Variants in INPP4B observed in about 807,000 individuals in gnomAD.
INPP4B encodes the protein inositol polyphosphate-4-phosphatase type II B.
In INPP4B, 55 loss-of-function variants were observed where a neutral mutation model predicts 122.5. The ratio of observed to expected loss-of-function variants is 0.45; its 90% CI spans 0.36 to 0.56. INPP4B has a LOEUF of 0.56. Ranked by LOEUF, INPP4B falls within the 20% of genes least tolerant of loss-of-function variation. The pLI is 0.00. For missense variants in INPP4B, 1,000 were observed against 1,097.7 expected, an observed-to-expected ratio of 0.91 and a Z score of 1.26; for synonymous variants, 403 against 388.7, an observed-to-expected ratio of 1.04 and a Z score of -0.43.
intron 17 of INPP4B, among the ~76,000 whole-genome samples, chr4:142,154,036 T>C (rs551949155): frequency 6.6e-6 from 1 of 152,112 alleles, no homozygotes; most frequent in Non-Finnish European, 1.5e-5. Flanking sequence ...ATGTTTCCCA[T>C]CCATCAAGAA....
intron 12 of INPP4B, among the ~76,000 whole-genome samples, chr4:142,235,948 T>C: frequency 6.6e-6 from 1 of 152,232 alleles, no homozygotes; most frequent in East Asian, 1.9e-4. Context: ...TTTGGAATTA[T>C]AGAATAAATT....
intron 2 of INPP4B, among the ~76,000 whole-genome samples, chr4:142,503,841 T>C (rs896256619): frequency 7.9e-5 from 12 of 152,106 alleles, no homozygotes; most frequent in African/African-American, 2.7e-4. Context: ...TCTTGCTATA[T>C]AAGATCAGTA....
At chr4:142,546,696 T>C (rs1829684542) in intron 2 of INPP4B, among the ~76,000 whole-genome samples, 2 of 152,182 alleles carry the variant, frequency 1.3e-5, no homozygotes, top group Admixed American at 6.6e-5. Flanking sequence ...ACCAAAGCAA[T>C]ATTTCAAAGT....
intron 3 of INPP4B, among the ~76,000 whole-genome samples, chr4:142,433,530 A>G (rs1809785372): frequency 6.6e-6 from 1 of 152,216 alleles, no homozygotes; most frequent in Admixed American, 6.5e-5. Context: ...GACCACTACA[A>G]TAACAGATAT....
At chr4:142,581,409 T>C (rs902623206) in intron 2 of INPP4B, among the ~76,000 whole-genome samples, 1 of 151,908 alleles carries the variant, frequency 6.6e-6, no homozygotes, top group African/African-American at 2.4e-5. Flanking sequence ...GGTTATTGAT[T>C]GATATACTAG....
intron 1 of INPP4B, among the ~76,000 whole-genome samples, chr4:142,842,145 G>C (rs895215161): frequency 6.6e-6 from 1 of 151,688 alleles, no homozygotes; most frequent in African/African-American, 2.4e-5. Flanking sequence ...CCTTTAATCA[G>C]TTTAAACAAA....
chr4:142,659,390 A>G (rs537865135), intron 2 of INPP4B, among the ~76,000 whole-genome samples: 7 of 152,008 alleles, frequency 4.6e-5, no homozygotes, highest in South Asian at 2.1e-4. Context: ...TGGGCGACAG[A>G]GTGAGACTCT....
At chr4:142,085,904 T>C (rs1375836292) in intron 24 of INPP4B, among the ~76,000 whole-genome samples, 4 of 152,142 alleles carry the variant, frequency 2.6e-5, no homozygotes, top group Non-Finnish European at 5.9e-5. Flanking sequence ...GGAGAACACA[T>C]CCAAGGTTGG....
In INPP4B at chr4:142,623,759, C is replaced by T. The variant is rs1467203768; in HGVS notation, c.-191+102080G>A. ...ACAGTCCCCAGAGTGTGATGTTCCC[C>T]TTCCTGTGTCCATGTGTTCTCATTG... On this transcript the variant is annotated intron_variant, in intron 2 of 25. Coordinates refer to ENST00000262992, the MANE Select transcript of INPP4B (RefSeq NM_001101669.3). Among the ~76,000 whole-genome samples the T allele has an allele frequency of 2.0e-5, 3 of 150,384 alleles. No individual in the cohort carries two copies. The Admixed American group carries it at 2.0e-4, about 10-fold the overall frequency.
At chr4:142,766,375 G>GT (rs1396828407) in intron 1 of INPP4B, among the ~76,000 whole-genome samples, 2 of 151,374 alleles carry the variant, frequency 1.3e-5, no homozygotes, top group African/African-American at 4.8e-5. Flanking sequence ...AGCATAAGGT[G>GT]TTTTTTTGTT....
intron 25 of INPP4B, among the ~76,000 whole-genome samples, chr4:142,042,569 T>C (rs976464917): frequency 7.7e-6 from 1 of 129,874 alleles, no homozygotes; most frequent in Non-Finnish European, 1.8e-5. Context: ...TATTTATTTA[T>C]TTATTTATTT....
chr4:142,274,836 G>A lies in INPP4B; in HGVS notation c.504-4062C>T, dbSNP rs181778729. ...TGCCAGGTCATTACCACTGTTTAAC[G>A]CAGAAAGCAGAGAGAGAAGTAAAAG... On this transcript the variant is annotated intron_variant, in intron 9 of 25. Transcript: ENST00000262992. Among the ~76,000 whole-genome samples the A allele has an allele frequency of 2.8e-3, 426 of 150,402 alleles. 1 individual carries two copies. Among genetic ancestry groups the A allele is most frequent in the African/African-American group, 1.0e-2 (410 of 41,038 alleles).
intron 1 of INPP4B, among the ~76,000 whole-genome samples, chr4:142,731,807 A>G (rs1766136250): frequency 6.6e-6 from 1 of 152,156 alleles, no homozygotes; most frequent in Non-Finnish European, 1.5e-5. Flanking sequence ...ATCTAACATG[A>G]TATAGGAACA....
chr4:142,560,704 C>G (rs1730272802), intron 2 of INPP4B: 1 of 152,228 alleles, frequency 6.6e-6, no homozygotes. Flanking sequence ...GAAGACTCAG[C>G]AAGTCTGCTC....
chr4:142,659,891 C>G (rs1403444619), intron 2 of INPP4B, among the ~76,000 whole-genome samples: 1 of 151,552 alleles, frequency 6.6e-6, no homozygotes, highest in African/African-American at 2.4e-5. Flanking sequence ...CACCCCCACC[C>G]GTGAGATACA....
At chr4:142,436,096 C>T (rs1335109673) in intron 3 of INPP4B, among the ~76,000 whole-genome samples, 2 of 152,156 alleles carry the variant, frequency 1.3e-5, no homozygotes, top group Admixed American at 6.5e-5. Flanking sequence ...CGACTGGGTC[C>T]CGAGAGGTAT....
At chr4:142,243,708 T>A (rs1860653021) in intron 11 of INPP4B, among the ~76,000 whole-genome samples, 1 of 152,154 alleles carries the variant, frequency 6.6e-6, no homozygotes, top group Admixed American at 6.5e-5. Context: ...GGCATTTGCT[T>A]TTGGCTGGAA....
chr4:142,065,234 AACACAC>A (rs36228246), intron 25 of INPP4B, among the ~76,000 whole-genome samples: 111,142 of 149,540 alleles, frequency 0.74, 43,868 homozygotes, highest in East Asian at 0.89. Context: ...GAATGAGGCC[AACACAC>A]ACACACACAC....
chr4:142,278,860 T>C (rs1352113876), intron 9 of INPP4B, among the ~76,000 whole-genome samples: 1 of 151,956 alleles, frequency 6.6e-6, no homozygotes, highest in Admixed American at 6.6e-5. Context: ...CTTTGAGAAA[T>C]AATCTATGAA....
Sources: allele counts gnomAD v4.1 joint callset (sites outside exome capture counted in the v4.1 genomes callset), GRCh38; gene constraint gnomAD v4.1.1; transcripts MANE v1.5; gene names NCBI Gene and HGNC (gene_info 2026-07-23, HGNC 2026-07-21).